The following CCDC149 variants were observed in gnomAD, a reference collection of about 807,000 sequenced individuals.
CCDC149 encodes coiled-coil domain-containing protein 149.
In CCDC149, 45 loss-of-function variants were observed where a neutral mutation model predicts 59.9. The ratio of observed to expected loss-of-function variants is 0.75; its 90% CI spans 0.59 to 0.96. The LOEUF is 0.96. Among genes scored for constraint, CCDC149 ranks in the 40% least tolerant of loss-of-function variants. CCDC149 has a pLI of 0.00. For missense variants in CCDC149, 584 were observed against 664.7 expected, an observed-to-expected ratio of 0.88 and a Z score of 1.33; for synonymous variants, 245 against 260.6, an observed-to-expected ratio of 0.94 and a Z score of 0.58.
chr4:24,971,034 T>C (rs1266225536), intron 1 of CCDC149, among the ~76,000 whole-genome samples: 2 of 152,214 alleles, frequency 1.3e-5, no homozygotes, highest in East Asian at 3.9e-4. Context: ...ACATAATAAC[T>C]GCTGCCCAAG....
At chr4:24,834,278 G>T (rs990159088) in intron 8 of CCDC149, among the ~76,000 whole-genome samples, 1 of 152,004 alleles carries the variant, frequency 6.6e-6, no homozygotes, top group Non-Finnish European at 1.5e-5. Context: ...GAGCATATTC[G>T]ACTCGAGACT....
chr4:24,929,494 G>A (rs1722524570), intron 1 of CCDC149, among the ~76,000 whole-genome samples: 1 of 152,224 alleles, frequency 6.6e-6, no homozygotes. Context: ...GGAAAAAATA[G>A]AAACTGTGGA....
At chr4:24,868,467 T>C (rs1439362828) in intron 3 of CCDC149, among the ~76,000 whole-genome samples, 2 of 152,312 alleles carry the variant, frequency 1.3e-5, no homozygotes, top group Non-Finnish European at 2.9e-5. Context: ...CAGAATTCCC[T>C]CCCTAATTTT....
chr4:24,939,115 C>T (rs1485851288), intron 1 of CCDC149, among the ~76,000 whole-genome samples: 8 of 152,186 alleles, frequency 5.3e-5, no homozygotes, highest in Non-Finnish European at 1.0e-4. Context: ...GTCCCTGACC[C>T]CTGAGTAGCC....
At chr4:24,844,648 C>G (rs1205230409) in intron 4 of CCDC149, among the ~76,000 whole-genome samples, 2 of 152,162 alleles carry the variant, frequency 1.3e-5, no homozygotes, top group African/African-American at 4.8e-5. Context: ...TGGTGCACAC[C>G]TGTAGTCCCA....
intron 1 of CCDC149, among the ~76,000 whole-genome samples, chr4:24,964,368 A>T (rs1309440928): frequency 6.6e-6 from 1 of 152,180 alleles, no homozygotes; most frequent in Admixed American, 6.5e-5. Context: ...TAAACTGACA[A>T]AAATGAACAG....
chr4:24,837,537 G>T lies in CCDC149; in HGVS notation c.490-137C>A. On this transcript the variant is annotated intron_variant, in intron 5 of 12. Transcript: ENST00000635206. This position sits in a 1 kb window ranked among gnomAD's most constrained non-coding sequence, Gnocchi z 4.3. ...ACCCGCATGCCCTAAAGCCATAAGC[G>T]CCACACACTGAAATACAATAACAGC... 1 of 696,172 alleles carries T rather than the reference G, an allele frequency of 1.4e-6. No individual in the cohort carries two copies. Among genetic ancestry groups the T allele is most frequent in the Non-Finnish European group, 2.4e-6 (1 of 418,384 alleles). 43.1% of individuals were successfully genotyped at this position (696,172 alleles called of 1,614,324 possible).
rs755084095 is a variant in CCDC149 at position 24,808,490 on chromosome 4, C to A, written c.1522G>T (p.Asp508Tyr). The A allele has an allele frequency of 4.5e-5, 67 of 1,502,718 alleles. No individual in the cohort carries two copies. Among genetic ancestry groups the A allele is most frequent in the Non-Finnish European group, 5.7e-5 (64 of 1,126,430 alleles). 93.1% of individuals were successfully genotyped at this position (1,502,718 alleles called of 1,614,324 possible). ...GCTGGCCGGCTGGCCTCGAAGGAGT[C>A]CAGGTGAGATTTAGGGAGCTCCCCC... The change falls in exon 13 of 13, where the codon GAC becomes TAC. Residue 508 changes from aspartate to tyrosine, a missense_variant. Coordinates refer to ENST00000635206, the MANE Select transcript of CCDC149 (RefSeq NM_001330643.2).
chr4:24,927,136 T>C (rs879814172), intron 1 of CCDC149, among the ~76,000 whole-genome samples: 2 of 152,192 alleles, frequency 1.3e-5, no homozygotes, highest in Admixed American at 1.3e-4. Flanking sequence ...ATCAAGGTCA[T>C]ATTGTAAAGG....
At chr4:24,886,240 T>G (rs1403183293) in intron 1 of CCDC149, among the ~76,000 whole-genome samples, 3 of 152,182 alleles carry the variant, frequency 2.0e-5, no homozygotes, top group Non-Finnish European at 2.9e-5. Flanking sequence ...AGAGCTAGAC[T>G]CAGACACAGG....
chr4:24,957,185 T>C (rs1318902439), intron 1 of CCDC149, among the ~76,000 whole-genome samples: 1 of 152,216 alleles, frequency 6.6e-6, no homozygotes, highest in Non-Finnish European at 1.5e-5. Flanking sequence ...CTGTCTTTTA[T>C]AACCTGAGAA....
intron 4 of CCDC149, among the ~76,000 whole-genome samples, chr4:24,847,705 G>A (rs1717393111): frequency 6.6e-6 from 1 of 152,196 alleles, no homozygotes; most frequent in African/African-American, 2.4e-5. Context: ...CTTGCCAAAG[G>A]CCACAGACAA....
At chr4:24,920,359 C>T (rs770911320) in intron 1 of CCDC149, among the ~76,000 whole-genome samples, 5 of 152,194 alleles carry the variant, frequency 3.3e-5, no homozygotes, top group African/African-American at 1.2e-4. Flanking sequence ...AGTGAAGCCC[C>T]GCCTCATGTC....
chr4:24,918,505 C>T (rs920595796), intron 1 of CCDC149, among the ~76,000 whole-genome samples: 2 of 152,170 alleles, frequency 1.3e-5, no homozygotes, highest in African/African-American at 2.4e-5. Context: ...ACCAAGACAG[C>T]ACATCAAACC....
intron 1 of CCDC149, among the ~76,000 whole-genome samples, chr4:24,905,594 C>T (rs902698913): frequency 7.4e-5 from 4 of 53,916 alleles, no homozygotes; most frequent in African/African-American, 1.4e-4. Context: ...TGCCACCACG[C>T]CCAGCTAATT....
intron 12 of CCDC149, among the ~76,000 whole-genome samples, chr4:24,816,582 A>G (rs1157513181): frequency 2.6e-5 from 4 of 152,226 alleles, no homozygotes; most frequent in Non-Finnish European, 5.9e-5. Flanking sequence ...TTTTAAGGAT[A>G]GACACATAGC....
At chr4:24,929,835 AT>A (rs948737611) in intron 1 of CCDC149, among the ~76,000 whole-genome samples, 4 of 152,006 alleles carry the variant, frequency 2.6e-5, no homozygotes, top group African/African-American at 7.2e-5. Context: ...CTTATATAAT[AT>A]TTTTTCCCTA....
At chr4:24,955,750 A>G (rs951481095) in intron 1 of CCDC149, among the ~76,000 whole-genome samples, 5 of 152,214 alleles carry the variant, frequency 3.3e-5, no homozygotes, top group African/African-American at 1.2e-4. Flanking sequence ...TTGCTGTTCA[A>G]TGGTAATAGA....
chr4:24,960,306 A>C (rs945207275), intron 1 of CCDC149, among the ~76,000 whole-genome samples: 8 of 152,190 alleles, frequency 5.3e-5, no homozygotes, highest in Non-Finnish European at 1.0e-4. Context: ...TTAGCTATAA[A>C]TCTTTGTTTT....
Sources: gnomAD v4.1 joint callset for allele counts (sites outside exome capture counted in the v4.1 genomes callset) on GRCh38, gnomAD v4.1.1 for gene constraint, Gnocchi (gnomAD v3.1) non-coding constraint, MANE v1.5 for transcripts, NCBI Gene and HGNC (gene_info 2026-07-23, HGNC 2026-07-21) for gene names.